Variants in CAMTA1 observed in about 807,000 individuals in gnomAD.
The protein encoded by CAMTA1 is calmodulin binding transcription activator 1.
In CAMTA1, 27 loss-of-function variants were observed where a neutral mutation model predicts 170.9. The observed-to-expected ratio is 0.16, with a 90% confidence interval of 0.12 to 0.22. The LOEUF (loss-of-function observed/expected upper bound fraction) is 0.22, where lower values mean the gene tolerates loss of function less well. Ranked by LOEUF, CAMTA1 falls within the 10% of genes least tolerant of loss-of-function variation. The probability of loss-of-function intolerance (pLI) is 1.00; values close to 1 mark genes in which losing one functional copy is unlikely to be tolerated. For missense variants in CAMTA1, 1,619 were observed against 2,217.2 expected (o/e 0.73, Z 5.42); for synonymous variants, 833 against 891.5 (o/e 0.93, Z 1.17).
chr1:7,408,018 G>C (rs1454699875), intron 5 of CAMTA1, among the ~76,000 whole-genome samples: 1 of 152,220 alleles, frequency 6.6e-6, no homozygotes, highest in Non-Finnish European at 1.5e-5. Flanking sequence ...CAAAGACCCT[G>C]AGTGGGAGAA....
At chr1:7,156,221 C>G (rs1214471815) in intron 4 of CAMTA1, among the ~76,000 whole-genome samples, 1 of 149,774 alleles carries the variant, frequency 6.7e-6, no homozygotes, top group Non-Finnish European at 1.5e-5. Flanking sequence ...TTGCAGTGAG[C>G]TGAGATCGCC....
At chr1:7,238,560 G>A (rs1436662756) in intron 4 of CAMTA1, among the ~76,000 whole-genome samples, 3 of 152,166 alleles carry the variant, frequency 2.0e-5, no homozygotes, top group Admixed American at 6.5e-5. Flanking sequence ...GAAACTCTAC[G>A]CTGATGTTCA....
intron 3 of CAMTA1, among the ~76,000 whole-genome samples, chr1:6,996,167 C>T (rs928906513): frequency 7.9e-5 from 12 of 152,234 alleles, no homozygotes; most frequent in Non-Finnish European, 5.9e-5. Flanking sequence ...CATCTTCATA[C>T]AAAAATTTGT....
intron 6 of CAMTA1, among the ~76,000 whole-genome samples, chr1:7,551,417 G>A (rs1337073621): frequency 6.6e-6 from 1 of 152,188 alleles, no homozygotes; most frequent in Non-Finnish European, 1.5e-5. Flanking sequence ...GGGCACAGAG[G>A]AGGAAGGCAC....
chr1:7,019,086 G>T (rs1700995092), intron 3 of CAMTA1, among the ~76,000 whole-genome samples: 1 of 152,214 alleles, frequency 6.6e-6, no homozygotes, highest in Non-Finnish European at 1.5e-5. Flanking sequence ...TGACAAGGTG[G>T]CCCTGGCCCG....
rs138450823 is a variant in CAMTA1, at chr1:7,234,531, G to A, written c.303-14960G>A. 4.9e-3 allele frequency among the ~76,000 whole-genome samples: 754 copies of A among 152,336 alleles called. 15 individuals are homozygous for A. Among genetic ancestry groups the A allele is most frequent in the Admixed American group, 0.038 (588 of 15,304 alleles). ...GGCACCCTCAGCACCCGGCGTGAAT[G>A]CTCAGCCGTGATAGCTGCTCAGTAA... On this transcript the variant is annotated intron_variant, in intron 4 of 22. Coordinates refer to ENST00000303635, the MANE Select transcript of CAMTA1 (RefSeq NM_015215.4). The surrounding 1 kb of genome is among the most constrained non-coding windows in gnomAD (Gnocchi z 5.0).
At chr1:7,215,014 A>G (rs1338363083) in intron 4 of CAMTA1, among the ~76,000 whole-genome samples, 1 of 151,904 alleles carries the variant, frequency 6.6e-6, no homozygotes, top group Non-Finnish European at 1.5e-5. Context: ...TCTCTATTCT[A>G]TTGGTTTATG....
chr1:6,785,643 T>G, intron 1 of CAMTA1, 68 bp downstream of exon 1: 1 of 848,946 alleles, frequency 1.2e-6, no homozygotes, highest in Non-Finnish European at 1.4e-6. Flanking sequence ...CCGCCGGACA[T>G]CCCGGGCATC....
At chr1:6,929,183 G>A (rs562235554) in intron 3 of CAMTA1, among the ~76,000 whole-genome samples, 48 of 152,038 alleles carry the variant, frequency 3.2e-4, no homozygotes, top group Non-Finnish European at 5.6e-4. Context: ...GTTTTGTTTC[G>A]TTTCGTTTCA....
intron 5 of CAMTA1, among the ~76,000 whole-genome samples, chr1:7,345,341 T>TTCTTTATTTTCCTA (rs1304789622): frequency 6.6e-6 from 1 of 152,172 alleles, no homozygotes; most frequent in Non-Finnish European, 1.5e-5. Context: ...CTAAAAGCTT[T>TTCTTTATTTTCCTA]AAAGTTTTGA....
chr1:7,402,922 C>T (rs892371673), intron 5 of CAMTA1, among the ~76,000 whole-genome samples: 7 of 152,136 alleles, frequency 4.6e-5, no homozygotes, highest in African/African-American at 9.7e-5. Context: ...ACGCGGGACT[C>T]GCATCCATTC....
intron 6 of CAMTA1, among the ~76,000 whole-genome samples, chr1:7,589,552 G>A (rs2095339535): frequency 6.6e-6 from 1 of 152,172 alleles, no homozygotes; most frequent in African/African-American, 2.4e-5. Context: ...GTGCAGGCCT[G>A]CAGTTCTGAC....
chr1:6,929,859 C>T (rs1445810485), intron 3 of CAMTA1, among the ~76,000 whole-genome samples: 1 of 152,190 alleles, frequency 6.6e-6, no homozygotes, highest in Admixed American at 6.5e-5. Flanking sequence ...TGTGTCGTCC[C>T]TCTTCTCACC....
At chr1:7,541,829 T>G (rs2094614848) in intron 6 of CAMTA1, among the ~76,000 whole-genome samples, 1 of 151,978 alleles carries the variant, frequency 6.6e-6, no homozygotes, top group African/African-American at 2.4e-5. Context: ...CTGGGAGAGG[T>G]GCATGGAAGG....
chr1:7,184,982 A>T (rs1652953625), intron 4 of CAMTA1, among the ~76,000 whole-genome samples: 1 of 152,178 alleles, frequency 6.6e-6, no homozygotes, highest in Non-Finnish European at 1.5e-5. Flanking sequence ...TTTTCAAGTG[A>T]TGTGGATTAG....
chr1:6,921,626 A>G (rs1421125578), intron 3 of CAMTA1, among the ~76,000 whole-genome samples: 1 of 152,164 alleles, frequency 6.6e-6, no homozygotes, highest in Non-Finnish European at 1.5e-5. Context: ...TTTACGAAAG[A>G]AAGAGGTTTA....
chr1:7,601,207 G>C (rs919921774), intron 6 of CAMTA1, among the ~76,000 whole-genome samples: 1 of 150,684 alleles, frequency 6.6e-6, no homozygotes, highest in Non-Finnish European at 1.5e-5. Flanking sequence ...GGGCGGAGAC[G>C]CTCCTCACTT....
At chr1:6,916,294 C>T (rs962730457) in intron 3 of CAMTA1, among the ~76,000 whole-genome samples, 1 of 152,100 alleles carries the variant, frequency 6.6e-6, no homozygotes, top group Non-Finnish European at 1.5e-5. Flanking sequence ...AAAGCTCATC[C>T]GTTTTCCAAG....
intron 3 of CAMTA1, among the ~76,000 whole-genome samples, chr1:6,875,584 C>T (rs545843368): frequency 2.9e-4 from 44 of 152,218 alleles, no homozygotes; most frequent in Non-Finnish European, 4.1e-4. Flanking sequence ...TGTGCCTGGC[C>T]CAGACCTTTT....
Sources: allele counts gnomAD v4.1 joint callset (sites outside exome capture counted in the v4.1 genomes callset), GRCh38; gene constraint gnomAD v4.1.1; non-coding constraint Gnocchi (gnomAD v3.1); transcripts MANE v1.5; gene names NCBI Gene and HGNC (gene_info 2026-07-23, HGNC 2026-07-21).